ZCCHC2: variants seen among roughly 807,000 people sequenced by gnomAD.
ZCCHC2 encodes zinc finger CCHC domain-containing protein 2.
ZCCHC2 carries 39 observed loss-of-function variants against 103.6 expected under a neutral mutation model. That is an observed-to-expected ratio of 0.38 (90% CI 0.29 to 0.49). The LOEUF (loss-of-function observed/expected upper bound fraction) is 0.49. ZCCHC2 is among the 20% of genes least tolerant of loss of function. The pLI is 0.96. For synonymous variants in ZCCHC2, 687 were observed against 608.9 expected, an observed-to-expected ratio of 1.13 and a Z score of -1.89; for missense variants, 1,483 against 1,491.0, an observed-to-expected ratio of 0.99 and a Z score of 0.09.
At chr18:62,538,627 T>A (rs1009890950) in intron 1 of ZCCHC2, among the ~76,000 whole-genome samples, 46 of 152,202 alleles carry the variant, frequency 3.0e-4, no homozygotes, top group African/African-American at 1.0e-3. Context: ...TAGACAGTCT[T>A]TGTTTCCTTG....
At chr18:62,542,464 T>C in intron 2 of ZCCHC2, 34 bp from the exon 3 acceptor site, 1 of 1,530,464 alleles carries the variant, frequency 6.5e-7, no homozygotes, top group Non-Finnish European at 8.9e-7. Context: ...ATAGTCTTTG[T>C]AGCACAAGTC....
rs1031800920 is a variant in ZCCHC2 at position 62,574,956 on chromosome 18, C to T, written c.2875C>T (p.Pro959Ser). ...GISQAQATVP[P>S]AVPTHTPGPA... ...CAGCCAGGCCCAGGCAACTGTTCCTCCTGCAGTTCCTACCCACACCCCAGG... is the reference window on the plus strand; with the variant it reads ...CAGCCAGGCCCAGGCAACTGTTCCTTCTGCAGTTCCTACCCACACCCCAGG... The change falls in exon 13 of 14, where the codon CCT (proline) becomes TCT (serine). Residue 959 changes from proline to serine, a missense_variant. Pro to Ser is a moderately conservative substitution (Grantham distance 74, BLOSUM62 -1). Coordinates refer to ENST00000269499, the MANE Select transcript of ZCCHC2 (RefSeq NM_017742.6). 2 of 1,613,806 alleles carry T rather than the reference C, an allele frequency of 1.2e-6. No individual in the cohort carries two copies. The highest frequency in any genetic ancestry group is 1.7e-6 in the Non-Finnish European group (2 of 1,179,906).
At chr18:62,575,684 C>G in intron 13 of ZCCHC2, 134 bp downstream of exon 13, 1 of 1,128,954 alleles carries the variant, frequency 8.9e-7, no homozygotes, top group Non-Finnish European at 1.2e-6. Context: ...TTTTCAGTGA[C>G]AGATCATAAA....
At chr18:62,564,695 T>C in intron 10 of ZCCHC2, 60 bp downstream of exon 10, 6 of 1,243,496 alleles carry the variant, frequency 4.8e-6, no homozygotes, top group Non-Finnish European at 6.7e-6. Context: ...GTTTAGTTTA[T>C]GATAGTATAC....
At chr18:62,561,978 T>C (rs982005687) in intron 8 of ZCCHC2, among the ~76,000 whole-genome samples, 1 of 152,136 alleles carries the variant, frequency 6.6e-6, no homozygotes, top group African/African-American at 2.4e-5. Context: ...TTTTTCACCA[T>C]GTCCCGTGGT....
intron 4 of ZCCHC2, among the ~76,000 whole-genome samples, chr18:62,547,611 G>A (rs2145503731): frequency 6.6e-6 from 1 of 150,880 alleles, no homozygotes; most frequent in South Asian, 2.1e-4. Context: ...GAGTGTAAGT[G>A]TAGTGACACC....
exon 15 of ZCCHC2, chr18:62,584,847 G>A (rs1033775274): frequency 6.6e-6 from 1 of 152,312 alleles, no homozygotes; most frequent in Non-Finnish European, 1.5e-5. Flanking sequence ...GCTGCAGACA[G>A]GCCCATGGTG....
At chr18:62,535,129 C>T (rs531455507) in intron 1 of ZCCHC2, among the ~76,000 whole-genome samples, 1 of 152,308 alleles carries the variant, frequency 6.6e-6, no homozygotes, top group Non-Finnish European at 1.5e-5. Flanking sequence ...GGCGAGACTG[C>T]GACAGCGAAG....
exon 15 of ZCCHC2, chr18:62,584,775 T>A (rs1917128949): frequency 6.6e-6 from 1 of 152,294 alleles, no homozygotes; most frequent in Non-Finnish European, 1.5e-5. Flanking sequence ...AGCTGTGAAG[T>A]GGGGTGGGAA....
intron 4 of ZCCHC2, among the ~76,000 whole-genome samples, chr18:62,549,322 G>A (rs1408288970): frequency 1.3e-5 from 2 of 152,200 alleles, no homozygotes; most frequent in South Asian, 2.1e-4. Flanking sequence ...TGACCAGAAG[G>A]GACTTCATTC....
In ZCCHC2 at chr18:62,524,298, C is replaced by T. The variant is rs976244173; in HGVS notation, c.874C>T (p.Arg292Cys). The T allele has an allele frequency of 7.7e-6, 12 of 1,548,616 alleles. No individual in the cohort carries two copies. In the African/African-American group the frequency reaches 1.2e-4, roughly 16 times the overall value. ...CTTGGAGAGGCTCCGCGCCGCGCTCCGCGGGGGCCCCGAGGACGCGGAGGT... is the reference window on the plus strand; with the variant it reads ...CTTGGAGAGGCTCCGCGCCGCGCTCTGCGGGGGCCCCGAGGACGCGGAGGT... ...EHLERLRAAL[R>C]GGPEDAEVEV... The change falls in exon 1 of 14, where the codon CGC (arginine) becomes TGC (cysteine). Residue 292 changes from arginine (R) to cysteine (C), a missense_variant. Coordinates refer to ENST00000269499, the MANE Select transcript of ZCCHC2 (RefSeq NM_017742.6).
In ZCCHC2 at chr18:62,574,086, A is replaced by T. The variant is rs1387046104; in HGVS notation, c.2005A>T (p.Asn669Tyr). 1.2e-6 allele frequency: 2 copies of T among 1,613,620 alleles called. No homozygotes were observed. Among genetic ancestry groups the T allele is most frequent in the Non-Finnish European group, 1.7e-6 (2 of 1,179,724 alleles). Residue 669 changes from asparagine to tyrosine, a missense_variant, in exon 13 of 14, where the codon AAT (asparagine) becomes TAT (tyrosine). Around this residue, in one of 3 missense-constraint regions of ZCCHC2, gnomAD observed 884 missense variants for 907.5 expected, o/e 0.97. Transcript: ENST00000269499. ...AGACAGCAATTCTGAGGATTCTGGG[A>T]ATCCATCAACAACTAGGTTTACAGG... ...DTDSNSEDSG[N>Y]PSTTRFTGYG...
In ZCCHC2 at chr18:62,565,067, C is replaced by T; in HGVS notation, c.1817C>T (p.Pro606Leu). The T allele has an allele frequency of 6.2e-7, 1 of 1,613,466 alleles. No homozygotes were observed. Among genetic ancestry groups the T allele is most frequent in the East Asian group, 2.2e-5 (1 of 44,846 alleles). The stretch of plus-strand genomic sequence containing the variant: ...ATAAATGGTATTAGACTCTCCACTC[C>T]TCAGCATGCCCATGGTGGTACTGTG... ...SRINGIRLSTPQHAHGGTVKD... is the reference protein window; with the variant it reads ...SRINGIRLSTLQHAHGGTVKD... The change falls in exon 11 of 14, where the codon CCT becomes CTT. Residue 606 changes from proline (P) to leucine (L), a missense_variant. Physicochemically the swap from Pro to Leu is moderately conservative, Grantham distance 98. This residue lies in a region of ZCCHC2 where 884 missense variants were observed against 907.5 expected (regional missense o/e 0.97). Coordinates refer to ENST00000269499, the MANE Select transcript of ZCCHC2 (RefSeq NM_017742.6).
At chr18:62,583,634 C>G (rs1029839028) in intron 14 of ZCCHC2, among the ~76,000 whole-genome samples, 2 of 133,536 alleles carry the variant, frequency 1.5e-5, no homozygotes, top group Admixed American at 7.8e-5. Context: ...CCCCATGACA[C>G]TCCCATAATC....
chr18:62,557,156 C>G (rs1915920015), intron 6 of ZCCHC2, among the ~76,000 whole-genome samples: 1 of 152,180 alleles, frequency 6.6e-6, no homozygotes, highest in Admixed American at 6.5e-5. Flanking sequence ...TTGAGTTTTG[C>G]CCTCTTATTT....
chr18:62,556,704 G>T (rs1022366584), intron 6 of ZCCHC2, among the ~76,000 whole-genome samples: 1 of 152,098 alleles, frequency 6.6e-6, no homozygotes, highest in African/African-American at 2.4e-5. Flanking sequence ...TTCTCACTCT[G>T]CCTCTTTGTT....
intron 11 of ZCCHC2, among the ~76,000 whole-genome samples, chr18:62,569,256 A>G (rs1428506371): frequency 6.6e-6 from 1 of 152,228 alleles, no homozygotes; most frequent in Non-Finnish European, 1.5e-5. Context: ...TGCTCATTAT[A>G]CAAATTGTGC....
chr18:62,575,181 T>C lies in ZCCHC2; in HGVS notation c.3100T>C (p.Tyr1034His), dbSNP rs1242140185. The change falls in exon 13 of 14, where the codon TAT becomes CAT. Residue 1034 changes from tyrosine to histidine, a missense_variant. Coordinates refer to ENST00000269499, the MANE Select transcript of ZCCHC2 (RefSeq NM_017742.6). ...NGNLQLNSYY[Y>H]PNPMPGPMYR... ...AAACCTTCAGCTAAATAGTTACTAT[T>C]ATCCTAATCCAATGCCTGGACCAAT... 1 of 1,614,018 alleles carries C rather than the reference T, an allele frequency of 6.2e-7. No individual in the cohort carries two copies. Among genetic ancestry groups the C allele is most frequent in the Non-Finnish European group, 8.5e-7 (1 of 1,179,886 alleles).
At chr18:62,559,674 G>T (rs1434504253) in intron 7 of ZCCHC2, among the ~76,000 whole-genome samples, 3 of 152,186 alleles carry the variant, frequency 2.0e-5, no homozygotes, top group African/African-American at 7.2e-5. Context: ...GGGTCCTTGA[G>T]GCAGCATTGT....
Sources: allele counts gnomAD v4.1 joint callset (sites outside exome capture counted in the v4.1 genomes callset), GRCh38; gene constraint gnomAD v4.1.1; regional missense constraint gnomAD v4.1.1; transcripts MANE v1.5; gene names NCBI Gene and HGNC (gene_info 2026-07-23, HGNC 2026-07-21).